The following CHST3 variants were observed in gnomAD, a reference collection of about 807,000 sequenced individuals.
CHST3 encodes carbohydrate sulfotransferase 3.
In CHST3, 20 loss-of-function variants were observed where a neutral mutation model predicts 35.4. The ratio of observed to expected loss-of-function variants is 0.57; its 90% confidence interval spans 0.40 to 0.82. The LOEUF (loss-of-function observed/expected upper bound fraction) is 0.82, where lower values mean the gene tolerates loss of function less well. Ranked by LOEUF, CHST3 falls within the 40% of genes least tolerant of loss-of-function variation. The probability of loss-of-function intolerance (pLI) is 0.00; values close to 1 mark genes in which losing one functional copy is unlikely to be tolerated. For synonymous variants in CHST3, 334 were observed against 295.9 expected (o/e 1.13, Z -1.32); for missense variants, 693 against 670.1 (o/e 1.03, Z -0.38).
chr10:72,007,429 G>T lies in CHST3; in HGVS notation c.398G>T (p.Arg133Leu). Residue 133 changes from arginine (R) to leucine (L), a missense_variant, in exon 3 of 3, where the codon CGC becomes CTC. Physicochemically the swap from Arg to Leu is moderately radical, Grantham distance 102. Transcript: ENST00000373115. ...PPRPAVAGPRRHVLLMATTRT... is the reference protein window; with the variant it reads ...PPRPAVAGPRLHVLLMATTRT... ...AGACCGGCCGTGGCGGGGCCCCGGCGCCACGTGCTGCTCATGGCCACCACG... is the reference window on the plus strand; with the variant it reads ...AGACCGGCCGTGGCGGGGCCCCGGCTCCACGTGCTGCTCATGGCCACCACG... 1 of 1,602,404 alleles carries T rather than the reference G, an allele frequency of 6.2e-7. No homozygotes were observed. The highest frequency in any genetic ancestry group is 8.5e-7 in the Non-Finnish European group (1 of 1,178,538).
chr10:71,998,685 G>A (rs1305510478), intron 1 of CHST3, among the ~76,000 whole-genome samples: 1 of 152,184 alleles, frequency 6.6e-6, no homozygotes, highest in African/African-American at 2.4e-5. Flanking sequence ...TTAGCCCCAA[G>A]ATCCACCTAT....
At chr10:72,007,095 T>A (rs1403371475) in intron 2 of CHST3, 77 bp from the exon 3 acceptor site, 1 of 1,527,392 alleles carries the variant, frequency 6.5e-7, no homozygotes, top group Non-Finnish European at 8.9e-7. Flanking sequence ...GGTGATCTGC[T>A]TGGAGGACTG....
rs1008659678 is a variant in CHST3, at chr10:71,995,494, A to G, written c.-107-10242A>G. On this transcript the variant is annotated intron_variant, in intron 1 of 2. Coordinates refer to ENST00000373115, the MANE Select transcript of CHST3 (RefSeq NM_004273.5). Reference sequence around the variant, plus strand: ...CTAACTGTTTGGTGCAAGAGGCCTCACTTTTAGCCTTTCTGGCTTTCAGCA... The same window carrying G: ...CTAACTGTTTGGTGCAAGAGGCCTCGCTTTTAGCCTTTCTGGCTTTCAGCA... Among the ~76,000 whole-genome samples, 4 of 151,576 alleles carry G rather than the reference A, an allele frequency of 2.6e-5. No individual in the cohort carries two copies. In the East Asian group the frequency reaches 7.7e-4, roughly 29 times the overall value.
At chr10:71,971,322 G>A (rs992011436) in intron 1 of CHST3, among the ~76,000 whole-genome samples, 9 of 152,164 alleles carry the variant, frequency 5.9e-5, no homozygotes, top group Non-Finnish European at 7.4e-5. Context: ...CCTGCGCTCC[G>A]CACGTCCACA....
chr10:71,979,204 C>G (rs1010694943), intron 1 of CHST3, among the ~76,000 whole-genome samples: 4 of 152,196 alleles, frequency 2.6e-5, no homozygotes, highest in African/African-American at 9.7e-5. Context: ...ATCCTGGCCT[C>G]AAACCTCCAG....
intron 1 of CHST3, among the ~76,000 whole-genome samples, chr10:71,978,885 G>C (rs151253066): frequency 6.6e-6 from 1 of 152,322 alleles, no homozygotes; most frequent in East Asian, 1.9e-4. Flanking sequence ...GGCACAGATA[G>C]ACGATGTCTG....
In CHST3 at chr10:72,007,853, G is replaced by A. The variant is rs754684832; in HGVS notation, c.822G>A (p.Ala274=). 7 of 1,603,864 alleles carry A rather than the reference G, an allele frequency of 4.4e-6. No individual in the cohort carries two copies. Among genetic ancestry groups the A allele is most frequent in the African/African-American group, 1.3e-5 (1 of 74,826 alleles). ...CRRKEHMALK[A]VRIRQLEFLQ... is the part of the protein sequence containing the mutation. ...GCAAGGAGCACATGGCCCTCAAGGCGGTGCGCATCCGGCAGCTGGAGTTCC... is the reference window on the plus strand; with the variant it reads ...GCAAGGAGCACATGGCCCTCAAGGCAGTGCGCATCCGGCAGCTGGAGTTCC... Residue 274 remains alanine (A), a synonymous_variant, in exon 3 of 3, where the codon GCG becomes GCA. Transcript: ENST00000373115.
intron 1 of CHST3, among the ~76,000 whole-genome samples, chr10:71,986,747 G>T (rs918959592): frequency 2.6e-5 from 4 of 152,198 alleles, no homozygotes; most frequent in Non-Finnish European, 5.9e-5. Context: ...ACCCGAAGTG[G>T]ATCAGCCAGT....
chr10:72,008,516 C>A lies in CHST3; in HGVS notation c.*45C>A, dbSNP rs751506408. The A allele has an allele frequency of 6.2e-6, 9 of 1,462,870 alleles. No individual in the cohort carries two copies. The highest frequency in any genetic ancestry group is 2.5e-5 in the East Asian group (1 of 40,166). 90.6% of individuals were successfully genotyped at this position (1,462,870 alleles called of 1,614,324 possible). ...GCCCCTCCTCGTGAAAGGCCTGCCC[C>A]GTCTTTCTGCCGCAGCCCTCGCAGA... On this transcript the variant is annotated 3_prime_UTR_variant, in exon 3 of 3. Coordinates refer to ENST00000373115, the MANE Select transcript of CHST3 (RefSeq NM_004273.5).
chr10:72,005,857 C>A lies in CHST3; in HGVS notation c.15C>A (p.Leu5=). The A allele has an allele frequency of 6.2e-7, 1 of 1,614,202 alleles. No homozygotes were observed. The highest frequency in any genetic ancestry group is 8.5e-7 in the Non-Finnish European group (1 of 1,180,028). Residue 5 remains leucine, a synonymous_variant, in exon 2 of 3, where the codon CTC becomes CTA. Transcript: ENST00000373115. MEKG[L]TLPQDCRDFV... is the part of the protein sequence containing the mutation. ...CACCTTTCCCCATGGAGAAAGGACT[C>A]ACTTTGCCCCAGGACTGCCGGGACT...
chr10:72,001,588 C>T (rs531158713), intron 1 of CHST3, among the ~76,000 whole-genome samples: 1 of 152,230 alleles, frequency 6.6e-6, no homozygotes, highest in South Asian at 2.1e-4. Flanking sequence ...ATTCTCCTGC[C>T]TCCGCCTCCC....
intron 1 of CHST3, among the ~76,000 whole-genome samples, chr10:71,976,083 G>A (rs1052212067): frequency 1.3e-5 from 2 of 152,214 alleles, no homozygotes; most frequent in Admixed American, 6.5e-5. Flanking sequence ...TTCTCTGTTC[G>A]GGGCTTGCAC....
chr10:71,983,279 T>C (rs1197768170), intron 1 of CHST3, among the ~76,000 whole-genome samples: 1 of 152,194 alleles, frequency 6.6e-6, no homozygotes, highest in African/African-American at 2.4e-5. Flanking sequence ...CCAGCTCCCA[T>C]TGAGAACCTC....
chr10:71,973,151 G>A (rs1215231560), intron 1 of CHST3, among the ~76,000 whole-genome samples: 1 of 152,196 alleles, frequency 6.6e-6, no homozygotes, highest in African/African-American at 2.4e-5. Flanking sequence ...GAGTCGTGGT[G>A]AGCGGGAGGG....
chr10:71,972,191 T>G (rs1406616924), intron 1 of CHST3, among the ~76,000 whole-genome samples: 2 of 152,152 alleles, frequency 1.3e-5, no homozygotes, highest in Non-Finnish European at 2.9e-5. Context: ...GTTGCTGACA[T>G]GCCACAGCCG....
At chr10:71,978,082 T>C (rs1301861211) in intron 1 of CHST3, among the ~76,000 whole-genome samples, 1 of 152,200 alleles carries the variant, frequency 6.6e-6, no homozygotes, top group African/African-American at 2.4e-5. Flanking sequence ...CCGGTCACAC[T>C]GTACAAAGTG....
chr10:71,988,753 A>C (rs1041897165), intron 1 of CHST3, among the ~76,000 whole-genome samples: 2 of 152,140 alleles, frequency 1.3e-5, no homozygotes, highest in African/African-American at 4.8e-5. Flanking sequence ...AGCAGACATC[A>C]CTACTCAACT....
At chr10:72,004,109 A>G (rs949896876) in intron 1 of CHST3, among the ~76,000 whole-genome samples, 2 of 152,184 alleles carry the variant, frequency 1.3e-5, no homozygotes, top group Non-Finnish European at 2.9e-5. Flanking sequence ...CAGAGGTTGC[A>G]GTGAGCCAAG....
At chr10:71,965,029 C>G (rs1839615671) in intron 1 of CHST3, among the ~76,000 whole-genome samples, 1 of 152,206 alleles carries the variant, frequency 6.6e-6, no homozygotes, top group African/African-American at 2.4e-5. Flanking sequence ...TTGGCCTCTA[C>G]AGCAGGCACG....
Sources: allele counts gnomAD v4.1 joint callset (sites outside exome capture counted in the v4.1 genomes callset), GRCh38; gene constraint gnomAD v4.1.1; transcripts MANE v1.5; gene names NCBI Gene and HGNC (gene_info 2026-07-23, HGNC 2026-07-21).